RTL1: variants seen among roughly 807,000 people sequenced by gnomAD.
RTL1 encodes the protein retrotransposon-like protein 1.
For missense variants in RTL1, 1,681 were observed against 1,767.5 expected (o/e 0.95, Z 0.88); for synonymous variants, 727 against 748.4 (o/e 0.97, Z 0.47).
chr14:100,884,122 T>A lies in RTL1; in HGVS notation c.667A>T (p.Thr223Ser). The change falls in exon 4 of 4, where the codon ACC becomes TCC. Residue 223 changes from threonine to serine, a missense_variant. Thr to Ser is a moderately conservative substitution (Grantham distance 58). Coordinates refer to ENST00000649591, the MANE Select transcript of RTL1 (RefSeq NM_001134888.3). ...AACATTCTTGGGTAGCTCTGTAAGGTCAGTTGGCAGAGTACGATGAACTCG... is the reference window on the plus strand; with the variant it reads ...AACATTCTTGGGTAGCTCTGTAAGGACAGTTGGCAGAGTACGATGAACTCG... ...FHEFIVLCQL[T>S]LQSYPRMFYN... 1 of 1,551,624 alleles carries A rather than the reference T, an allele frequency of 6.4e-7. No homozygotes were observed. The highest frequency in any genetic ancestry group is 8.7e-7 in the Non-Finnish European group (1 of 1,146,986).
intron 2 of RTL1, among the ~76,000 whole-genome samples, chr14:100,895,607 C>T (rs999834875): frequency 3.3e-5 from 5 of 151,936 alleles, no homozygotes; most frequent in African/African-American, 4.8e-5. Flanking sequence ...GGAAGGACGA[C>T]GTGAGGTTGC....
At chr14:100,894,535 C>T (rs1019823015) in intron 2 of RTL1, among the ~76,000 whole-genome samples, 1 of 152,132 alleles carries the variant, frequency 6.6e-6, no homozygotes, top group Non-Finnish European at 1.5e-5. Flanking sequence ...GGTTTTTGTC[C>T]TGCTCCTTCA....
chr14:100,900,178 A>C (rs2038922601), intron 2 of RTL1, among the ~76,000 whole-genome samples: 1 of 152,254 alleles, frequency 6.6e-6, no homozygotes. Flanking sequence ...GGCAAGGGTC[A>C]CTCGGAAGGA....
chr14:100,884,591 C>T lies in RTL1; in HGVS notation c.198G>A (p.Met66Ile), dbSNP rs1378104030. 1.9e-6 allele frequency: 3 copies of T among 1,613,558 alleles called. No individual in the cohort carries two copies. The highest frequency in any genetic ancestry group is 1.7e-5 in the Admixed American group (1 of 60,008). ...KEPPSGPLQEMEELPTDLLQD... is the reference protein window; with the variant it reads ...KEPPSGPLQEIEELPTDLLQD... ...GGAGTAGATCAGTGGGCAGCTCTTC[C>T]ATTTCCTGGAGTGGGCCACTGGGGG... Residue 66 changes from methionine (M) to isoleucine (I), a missense_variant, in exon 4 of 4, where the codon ATG (methionine) becomes ATA (isoleucine). By Grantham distance (10) the Met-to-Ile change is conservative. Transcript: ENST00000649591.
chr14:100,882,266 G>C lies in RTL1; in HGVS notation c.2523C>G (p.Tyr841Ter). The change falls in exon 4 of 4, where the codon TAC becomes TAG. Residue 841 changes from tyrosine (Y) to a stop codon, truncating the protein, a stop_gained. Coordinates refer to ENST00000649591, the MANE Select transcript of RTL1 (RefSeq NM_001134888.3). LOFTEE classifies it low-confidence loss of function (END_TRUNC). ...GCTCCTCGACTCCCCAGTAGAACTG[G>C]TAGGAGCTCAGCAGCTGCCGCACCA... is the stretch of plus-strand genomic sequence containing the variant. ...EPLVRQLLSSYQFYWGVEEQE... is the reference protein window; with the variant it reads ...EPLVRQLLSS 1 of 1,551,568 alleles carries C rather than the reference G, an allele frequency of 6.4e-7. No individual in the cohort carries two copies. The highest frequency in any genetic ancestry group is 2.4e-5 in the East Asian group (1 of 40,924).
rs1276395798 is a variant in RTL1, at chr14:100,883,749, A to G, written c.1040T>C (p.Leu347Pro). The part of the protein sequence containing the change: ...YLFRVPQPDS[L>P]DSLIVLILQI... ...CAGGATGAGCACAATCAGACTGTCT[A>G]GGGAATCCGGCTGAGGGACCCGGAA... is the stretch of plus-strand genomic sequence containing the variant. Residue 347 changes from leucine (L) to proline (P), a missense_variant, in exon 4 of 4, where the codon CTA becomes CCA. Leu to Pro is a moderately conservative substitution (Grantham distance 98, BLOSUM62 -3). Transcript: ENST00000649591. This position sits in a 1 kb window ranked among gnomAD's most constrained non-coding sequence, Gnocchi z 5.9. The G allele has an allele frequency of 4.5e-6, 7 of 1,551,668 alleles. No individual in the cohort carries two copies. Among genetic ancestry groups the G allele is most frequent in the Non-Finnish European group, 6.1e-6 (7 of 1,146,988 alleles).
intron 2 of RTL1, among the ~76,000 whole-genome samples, chr14:100,902,175 A>G (rs2038951207): frequency 1.3e-5 from 2 of 152,104 alleles, no homozygotes; most frequent in African/African-American, 4.8e-5. Flanking sequence ...TGCTTTGCTG[A>G]GCCCTCCCCT....
intron 2 of RTL1, chr14:100,894,730 TG>T (rs1369812013): frequency 1.3e-5 from 2 of 152,384 alleles, no homozygotes; most frequent in East Asian, 3.9e-4. Context: ...TGCTTTCTCC[TG>T]GGAAGGGAGC....
chr14:100,897,549 A>G (rs2038876071), intron 2 of RTL1: 1 of 151,740 alleles, frequency 6.6e-6, no homozygotes, highest in Non-Finnish European at 1.5e-5. Context: ...GACTTTGTTT[A>G]TTTTTTACAT....
At chr14:100,886,732 TCTAATTGAAATACAAA>T (rs371201695) in intron 3 of RTL1, among the ~76,000 whole-genome samples, 22,637 of 152,140 alleles carry the variant, frequency 0.15, 2,316 homozygotes, top group Middle Eastern at 0.3. Context: ...AATAAATAAT[TCTAATTGAAATACAAA>T]AACTAAGTAA....
At chr14:100,886,651 A>G (rs2038701171) in intron 3 of RTL1, among the ~76,000 whole-genome samples, 1 of 151,962 alleles carries the variant, frequency 6.6e-6, no homozygotes, top group Admixed American at 6.6e-5. Flanking sequence ...CCTCTCCATA[A>G]AAGTCCTCTG....
chr14:100,882,034 G>A lies in RTL1; in HGVS notation c.2755C>T (p.Gln919Ter). Residue 919 changes from glutamine (Q) to a stop codon, truncating the protein, a stop_gained, in exon 4 of 4, where the codon CAA (glutamine) becomes TAA (stop). Transcript: ENST00000649591. LOFTEE classifies it low-confidence loss of function (END_TRUNC). ...ATTGGAAGAATCTTCATCTCCGCTT[G>A]AGAGTACTCAACCTCGATAGGGGAG... ...NISPIEVEYSQAEMKILPIRA... is the reference protein window; with the variant it reads ...NISPIEVEYS The A allele has an allele frequency of 6.2e-7, 1 of 1,613,640 alleles. No individual in the cohort carries two copies. The highest frequency in any genetic ancestry group is 8.5e-7 in the Non-Finnish European group (1 of 1,179,860).
intron 2 of RTL1, among the ~76,000 whole-genome samples, chr14:100,898,519 CT>C (rs1311060792): frequency 6.6e-6 from 1 of 152,250 alleles, no homozygotes; most frequent in South Asian, 2.1e-4. Context: ...AAGCCTCCAT[CT>C]GACTTCCTGG....
intron 2 of RTL1, chr14:100,897,796 T>G (rs2038888682): frequency 2.1e-5 from 3 of 143,128 alleles, no homozygotes; most frequent in Non-Finnish European, 4.3e-5. Context: ...GGCAGTGAAT[T>G]GGTGGCGGCA....
rs542333785 is a variant in RTL1 at position 100,900,525 on chromosome 14, C to T, written c.-149+2766G>A. Among the ~76,000 whole-genome samples the T allele has an allele frequency of 5.3e-5, 8 of 152,352 alleles. No individual in the cohort carries two copies. In the South Asian group the frequency reaches 6.2e-4, roughly 12 times the overall value. ...TCCAGGTCTCTGCAATTTAACCCTG[C>T]GCTTCATGCCAGAATCCCATTTCCT... is the stretch of plus-strand genomic sequence containing the variant. On this transcript the variant is annotated intron_variant, in intron 2 of 3. Transcript: ENST00000649591.
chr14:100,885,985 A>G (rs1388946620), intron 3 of RTL1, among the ~76,000 whole-genome samples: 1 of 152,098 alleles, frequency 6.6e-6, no homozygotes, highest in African/African-American at 2.4e-5. Flanking sequence ...TTGGAATCTG[A>G]CGGTCCCAGA....
chr14:100,882,060 A>G lies in RTL1; in HGVS notation c.2729T>C (p.Ile910Thr). Residue 910 changes from isoleucine (I) to threonine (T), a missense_variant, in exon 4 of 4, where the codon ATC becomes ACC. Physicochemically the swap from Ile to Thr is moderately conservative, Grantham distance 89 (BLOSUM62 -1). Transcript: ENST00000649591. Reference sequence around the variant, plus strand: ...AGAGTACTCAACCTCGATAGGGGAGATGTTGCGGGAGTAGAAAGCGCAGCA... The same window carrying G: ...AGAGTACTCAACCTCGATAGGGGAGGTGTTGCGGGAGTAGAAAGCGCAGCA... Reference protein sequence around the residue: ...RACCAFYSRNISPIEVEYSQA... With the variant: ...RACCAFYSRNTSPIEVEYSQA... 6.2e-7 allele frequency: 1 copy of G among 1,609,876 alleles called. No individual in the cohort carries two copies. Among genetic ancestry groups the G allele is most frequent in the Non-Finnish European group, 8.5e-7 (1 of 1,177,964 alleles).
At chr14:100,890,311 G>A (rs2038755120) in intron 3 of RTL1, among the ~76,000 whole-genome samples, 1 of 151,896 alleles carries the variant, frequency 6.6e-6, no homozygotes, top group African/African-American at 2.4e-5. Flanking sequence ...GGGTGTGGGG[G>A]GGGCCATGGG....
chr14:100,897,782 G>GGGGGGGGGGA lies in RTL1; in HGVS notation c.-148-4278_-148-4277insTCCCCCCCCC. 9 of 168,974 alleles carry GGGGGGGGGGA rather than the reference G, an allele frequency of 5.3e-5. 1 individual carries two copies. The highest frequency in any genetic ancestry group is 2.5e-4 in the African/African-American group (8 of 32,310). The allele number at this position is 168,974 out of a possible 1,614,324, so 10.5% of individuals were successfully genotyped here. On this transcript the variant is annotated intron_variant, in intron 2 of 3. Coordinates refer to ENST00000649591, the MANE Select transcript of RTL1 (RefSeq NM_001134888.3). Reference sequence around the variant, plus strand: ...GGGGGGTGGGGGGGTGGGGGGCGGGGGGGGGCAGTGAATTGGTGGCGGCAG... The same window carrying GGGGGGGGGGA: ...GGGGGGTGGGGGGGTGGGGGGCGGGGGGGGGGGGGAGGGGGCAGTGAATTGGTGGCGGCAG...
Sources: gnomAD v4.1 joint callset for allele counts (sites outside exome capture counted in the v4.1 genomes callset) on GRCh38, gnomAD v4.1.1 for gene constraint, Gnocchi (gnomAD v3.1) non-coding constraint, MANE v1.5 for transcripts, NCBI Gene and HGNC (gene_info 2026-07-23, HGNC 2026-07-21) for gene names.